The following TMEM132D variants were observed in gnomAD, a reference collection of about 807,000 sequenced individuals.
The protein encoded by TMEM132D is transmembrane protein 132D, also known as mature OL transmembrane protein.
Under a neutral mutation model 62.3 loss-of-function variants are expected in TMEM132D, and 21 were observed. The observed-to-expected ratio is 0.34, with a 90% confidence interval of 0.24 to 0.49. The LOEUF (loss-of-function observed/expected upper bound fraction) is 0.49. Ranked by LOEUF, TMEM132D falls within the 20% of genes least tolerant of loss-of-function variation. TMEM132D has a pLI of 0.99. For missense variants in TMEM132D, 1,346 were observed against 1,402.8 expected (o/e 0.96, Z 0.65); for synonymous variants, 621 against 575.6 (o/e 1.08, Z -1.13).
At chr12:129,510,724 T>C (rs927596011) in intron 3 of TMEM132D, among the ~76,000 whole-genome samples, 2 of 152,204 alleles carry the variant, frequency 1.3e-5, no homozygotes, top group Admixed American at 6.5e-5. Context: ...GTTTAAGAAA[T>C]AGTCTTCTCC....
At chr12:129,773,974 G>T (rs978675425) in intron 1 of TMEM132D, among the ~76,000 whole-genome samples, 1 of 152,134 alleles carries the variant, frequency 6.6e-6, no homozygotes, top group Non-Finnish European at 1.5e-5. Context: ...CTGGTCCTTG[G>T]TACCAGGAGC....
At chr12:129,700,794 C>T in intron 1 of TMEM132D, 96 bp from the exon 2 acceptor site, 1 of 1,375,116 alleles carries the variant, frequency 7.3e-7, no homozygotes, top group Non-Finnish European at 9.7e-7. Flanking sequence ...ACAGAGGACC[C>T]TGTCTTCGCG....
chr12:129,237,072 A>T (rs996496584), intron 4 of TMEM132D, among the ~76,000 whole-genome samples: 1 of 152,122 alleles, frequency 6.6e-6, no homozygotes, highest in East Asian at 1.9e-4. Flanking sequence ...CCGGGGGTAA[A>T]TTCCACTTGG....
intron 4 of TMEM132D, among the ~76,000 whole-genome samples, chr12:129,225,309 G>A (rs562815220): frequency 6.6e-6 from 1 of 152,348 alleles, no homozygotes; most frequent in Non-Finnish European, 1.5e-5. Flanking sequence ...CAGCCTGGGA[G>A]TGGAGACAGG....
At chr12:129,081,497 G>A (rs1345072272) in intron 7 of TMEM132D, among the ~76,000 whole-genome samples, 2 of 151,998 alleles carry the variant, frequency 1.3e-5, no homozygotes, top group Admixed American at 6.6e-5. Context: ...ATGGGGTTTC[G>A]CCATGTTACC....
At chr12:129,235,532 A>C (rs1488437809) in intron 4 of TMEM132D, among the ~76,000 whole-genome samples, 1 of 152,066 alleles carries the variant, frequency 6.6e-6, no homozygotes, top group African/African-American at 2.4e-5. Flanking sequence ...ACATGTTATC[A>C]GTGGTTGATT....
chr12:129,075,162 A>T lies in TMEM132D; in HGVS notation c.2116-103T>A, dbSNP rs1055728137. On this transcript the variant is annotated intron_variant, in intron 8 of 8. Coordinates refer to ENST00000422113, the MANE Select transcript of TMEM132D (RefSeq NM_133448.3). ...CAACGGCAAAACTATTGCTACAAGA[A>T]CAAAGACAAACCTTTCAAACAGTGT... 8 of 864,498 alleles carry T rather than the reference A, an allele frequency of 9.3e-6. No homozygotes were observed. The African/African-American group carries it at 1.2e-4, about 13-fold the overall frequency. The allele number at this position is 864,498 out of a possible 1,614,324, so 53.6% of individuals were successfully genotyped here.
chr12:129,239,473 A>G (rs1048330239), intron 4 of TMEM132D, among the ~76,000 whole-genome samples: 2 of 152,254 alleles, frequency 1.3e-5, no homozygotes, highest in Admixed American at 1.3e-4. Context: ...ATGACTGAAC[A>G]GTGTCCTCGC....
rs146925987 is a variant in TMEM132D at position 129,417,205 on chromosome 12, A to C, written c.1116-79388T>G. On this transcript the variant is annotated intron_variant, in intron 3 of 8. Transcript: ENST00000422113. ...GGCTTTTTTTGTTGGTAGGCTATTA[A>C]TTACTGCCTCAATTTCAGAAGAGCC... Among the ~76,000 whole-genome samples the C allele has an allele frequency of 3.8e-3, 581 of 152,220 alleles. 3 individuals are homozygous for C. Among genetic ancestry groups the C allele is most frequent in the African/African-American group, 0.013 (553 of 41,536 alleles).
intron 3 of TMEM132D, among the ~76,000 whole-genome samples, chr12:129,413,676 A>G (rs1872034606): frequency 6.6e-6 from 1 of 152,196 alleles, no homozygotes; most frequent in East Asian, 1.9e-4. Flanking sequence ...TAAGGTTTTG[A>G]GTTCCACAAA....
rs146432757 is a variant in TMEM132D at position 129,264,368 on chromosome 12, G to A, written c.1300-54705C>T. Among the ~76,000 whole-genome samples, 395 of 152,146 alleles carry A rather than the reference G, an allele frequency of 2.6e-3. 1 individual carries two copies. The highest frequency in any genetic ancestry group is 9.0e-3 in the African/African-American group (375 of 41,498). On this transcript the variant is annotated intron_variant, in intron 4 of 8. Coordinates refer to ENST00000422113, the MANE Select transcript of TMEM132D (RefSeq NM_133448.3). ...TGTGCCACTGCACTCCAGCCTGGGC[G>A]ACAGAGCGAAATCCTGTCTCAAAAA...
At chr12:129,658,792 G>C (rs550567598) in intron 2 of TMEM132D, among the ~76,000 whole-genome samples, 1 of 152,306 alleles carries the variant, frequency 6.6e-6, no homozygotes, top group South Asian at 2.1e-4. Flanking sequence ...AGCCCACCAA[G>C]CTGTGAGAAG....
chr12:129,586,473 A>G (rs1878033511), intron 2 of TMEM132D, among the ~76,000 whole-genome samples: 1 of 151,946 alleles, frequency 6.6e-6, no homozygotes. Flanking sequence ...ACAGAGATTG[A>G]CTCCTCACAC....
At position 129,496,961 on chromosome 12, in the gene TMEM132D, G is replaced by T. The variant is rs567944176; in HGVS notation, c.1115+34098C>A. Among the ~76,000 whole-genome samples, 5 of 152,344 alleles carry T rather than the reference G, an allele frequency of 3.3e-5. No individual in the cohort carries two copies. In the East Asian group the frequency reaches 7.7e-4, roughly 24 times the overall value. The stretch of plus-strand genomic sequence containing the variant: ...ACTCTGCCAGTGGGAGTTCCTGTCA[G>T]GAGAACAGAGGGCTGGATGGGCTTG... On this transcript the variant is annotated intron_variant, in intron 3 of 8. Coordinates refer to ENST00000422113, the MANE Select transcript of TMEM132D (RefSeq NM_133448.3).
chr12:129,547,730 T>G (rs1209207258), intron 2 of TMEM132D, among the ~76,000 whole-genome samples: 11 of 152,206 alleles, frequency 7.2e-5, no homozygotes, highest in Non-Finnish European at 1.3e-4. Context: ...TCTCATAGTG[T>G]GCTGTTGGAG....
intron 1 of TMEM132D, among the ~76,000 whole-genome samples, chr12:129,774,248 T>C (rs1462373240): frequency 6.6e-6 from 1 of 152,192 alleles, no homozygotes; most frequent in Non-Finnish European, 1.5e-5. Context: ...AGGATACATT[T>C]TCTGTCTTTC....
intron 1 of TMEM132D, among the ~76,000 whole-genome samples, chr12:129,772,604 G>A (rs767222158): frequency 1.3e-5 from 2 of 152,154 alleles, no homozygotes; most frequent in Admixed American, 6.5e-5. Flanking sequence ...AGGCTCTCCT[G>A]CAGCATACAT....
At chr12:129,807,465 G>A (rs113319543) in intron 1 of TMEM132D, among the ~76,000 whole-genome samples, 6 of 152,274 alleles carry the variant, frequency 3.9e-5, no homozygotes, top group East Asian at 3.9e-4. Flanking sequence ...ACCACGGCCC[G>A]AGTCTCCAGA....
chr12:129,079,774 G>C (rs536254592), intron 7 of TMEM132D, among the ~76,000 whole-genome samples: 1 of 152,326 alleles, frequency 6.6e-6, no homozygotes, highest in Non-Finnish European at 1.5e-5. Context: ...GCGAGCATGA[G>C]AGGTGTGTCC....
Sources: allele counts gnomAD v4.1 joint callset (sites outside exome capture counted in the v4.1 genomes callset), GRCh38; gene constraint gnomAD v4.1.1; transcripts MANE v1.5; gene names NCBI Gene and HGNC (gene_info 2026-07-23, HGNC 2026-07-21).